Variants in CSMD1 observed in about 807,000 individuals in gnomAD.
CSMD1 encodes CUB and Sushi multiple domains 1.
CSMD1 carries 213 observed loss-of-function variants against 417.5 expected under a neutral mutation model. The observed-to-expected ratio is 0.51, with a 90% CI of 0.46 to 0.57. The LOEUF is 0.57. Ranked by LOEUF, CSMD1 falls within the 20% of genes least tolerant of loss-of-function variation. The pLI is 0.00. For synonymous variants in CSMD1, 2,862 were observed against 1,736.8 expected, an observed-to-expected ratio of 1.65 and a Z score of -16.11; for missense variants, 6,923 against 4,529.7, an observed-to-expected ratio of 1.53 and a Z score of -15.17.
intron 3 of CSMD1, among the ~76,000 whole-genome samples, chr8:4,363,385 G>C (rs1054117713): frequency 1.3e-5 from 2 of 152,180 alleles, no homozygotes; most frequent in South Asian, 2.1e-4. Flanking sequence ...TGCTTTATAC[G>C]TAAGAGGGAT....
chr8:3,274,168 C>T (rs988728105), intron 26 of CSMD1, among the ~76,000 whole-genome samples: 1 of 151,570 alleles, frequency 6.6e-6, no homozygotes, highest in Non-Finnish European at 1.5e-5. Context: ...TTTATTTCTG[C>T]CTTCATTTCG....
At chr8:3,816,041 C>G (rs1345196154) in intron 5 of CSMD1, among the ~76,000 whole-genome samples, 1 of 152,132 alleles carries the variant, frequency 6.6e-6, no homozygotes, top group African/African-American at 2.4e-5. Context: ...TATTAGGTCC[C>G]CGTGGGTTGG....
intron 7 of CSMD1, among the ~76,000 whole-genome samples, chr8:3,684,808 T>C (rs1214126528): frequency 6.6e-6 from 1 of 152,136 alleles, no homozygotes; most frequent in Admixed American, 6.6e-5. Context: ...TTCTCCTTGC[T>C]ATAGATCATA....
rs933745997 is a variant in CSMD1 at position 3,183,186 on chromosome 8, A to G, written c.5621-1972T>C. 3.7e-5 allele frequency: 3 copies of G among 80,040 alleles called. No individual in the cohort carries two copies. In the Admixed American group the frequency reaches 3.9e-4, roughly 10 times the overall value. 5.0% of individuals were successfully genotyped at this position (80,040 alleles called of 1,614,324 possible). On this transcript the variant is annotated intron_variant, in intron 36 of 69. Transcript: ENST00000635120. ...AACATCGAGTAGGTCTCTAACGCCT[A>G]ATCTATCTATCCCTGAAATATCGAG...
At chr8:4,078,735 C>G (rs921524954) in intron 3 of CSMD1, among the ~76,000 whole-genome samples, 1 of 150,202 alleles carries the variant, frequency 6.7e-6, no homozygotes, top group Non-Finnish European at 1.5e-5. Flanking sequence ...TTTAAGGCAA[C>G]CCTTGTATTT....
intron 31 of CSMD1, among the ~76,000 whole-genome samples, chr8:3,203,606 C>A (rs991544463): frequency 2.6e-5 from 4 of 152,118 alleles, no homozygotes; most frequent in African/African-American, 7.2e-5. Flanking sequence ...TCAGCTAACA[C>A]TCCGTGGATA....
chr8:3,291,311 C>G (rs923845792), intron 25 of CSMD1, among the ~76,000 whole-genome samples: 1 of 151,926 alleles, frequency 6.6e-6, no homozygotes, highest in Non-Finnish European at 1.5e-5. Flanking sequence ...CTCTGTCAGG[C>G]TTTGCTTTCA....
chr8:4,836,536 A>C (rs1357088892), intron 1 of CSMD1, among the ~76,000 whole-genome samples: 2 of 152,192 alleles, frequency 1.3e-5, no homozygotes, highest in African/African-American at 4.8e-5. Flanking sequence ...AAATAATGAA[A>C]ATATTTAGAC....
intron 5 of CSMD1, among the ~76,000 whole-genome samples, chr8:3,790,583 T>G (rs1231638453): frequency 1.3e-5 from 2 of 152,206 alleles, no homozygotes; most frequent in Admixed American, 6.5e-5. Flanking sequence ...TTTTTTTTTA[T>G]GTTTTTGGCA....
intron 4 of CSMD1, among the ~76,000 whole-genome samples, chr8:4,031,703 T>C (rs1266533270): frequency 1.3e-5 from 2 of 152,210 alleles, no homozygotes; most frequent in Non-Finnish European, 2.9e-5. Flanking sequence ...TAACATGCAA[T>C]ATTAAATGTT....
At chr8:4,037,780 G>A (rs746628425) in intron 3 of CSMD1, among the ~76,000 whole-genome samples, 2 of 152,022 alleles carry the variant, frequency 1.3e-5, no homozygotes, top group African/African-American at 4.8e-5. Context: ...AGTTCTGAGG[G>A]CCTTGAACCA....
At chr8:3,900,658 G>C (rs1038304184) in intron 5 of CSMD1, among the ~76,000 whole-genome samples, 1 of 152,176 alleles carries the variant, frequency 6.6e-6, no homozygotes, top group East Asian at 1.9e-4. Context: ...CTGTAGCTGA[G>C]TGACAGTGTA....
chr8:4,829,262 G>T (rs1188893672), intron 1 of CSMD1, among the ~76,000 whole-genome samples: 2 of 152,040 alleles, frequency 1.3e-5, no homozygotes, highest in Non-Finnish European at 2.9e-5. Context: ...TATTTTTTCA[G>T]TTAGAGTTTG....
At chr8:3,982,195 A>T (rs958572101) in intron 5 of CSMD1, among the ~76,000 whole-genome samples, 1 of 131,308 alleles carries the variant, frequency 7.6e-6, no homozygotes, top group Non-Finnish European at 1.6e-5. Context: ...AATAATATTA[A>T]TAAAAAAAAT....
chr8:3,114,074 CAAACA>C (rs1162082911), intron 42 of CSMD1, among the ~76,000 whole-genome samples: 1 of 151,766 alleles, frequency 6.6e-6, no homozygotes, highest in Non-Finnish European at 1.5e-5. Context: ...AACAAACAAA[CAAACA>C]AACAAAAAAC....
At chr8:4,060,460 T>A (rs1798914432) in intron 3 of CSMD1, among the ~76,000 whole-genome samples, 2 of 152,152 alleles carry the variant, frequency 1.3e-5, no homozygotes, top group African/African-American at 4.8e-5. Context: ...GAATTTCTAA[T>A]GATGCTTGTT....
At chr8:4,647,698 G>A (rs911534262) in intron 1 of CSMD1, among the ~76,000 whole-genome samples, 1 of 152,124 alleles carries the variant, frequency 6.6e-6, no homozygotes, top group Admixed American at 6.6e-5. Flanking sequence ...GGTTTGCTGA[G>A]GATGAAGCTT....
At chr8:3,196,991 CCTT>C (rs780073133) in intron 33 of CSMD1, among the ~76,000 whole-genome samples, 24 of 152,176 alleles carry the variant, frequency 1.6e-4, no homozygotes, top group Non-Finnish European at 2.9e-4. Context: ...GTCACTCACA[CCTT>C]CTTCTCTCAT....
At chr8:4,346,661 G>C (rs754803432) in intron 3 of CSMD1, among the ~76,000 whole-genome samples, 1 of 152,098 alleles carries the variant, frequency 6.6e-6, no homozygotes, top group African/African-American at 2.4e-5. Flanking sequence ...TTGCAATTTT[G>C]AATTTTTTTT....
Sources: gnomAD v4.1 joint callset for allele counts (sites outside exome capture counted in the v4.1 genomes callset) on GRCh38, gnomAD v4.1.1 for gene constraint, MANE v1.5 for transcripts, NCBI Gene and HGNC (gene_info 2026-07-23, HGNC 2026-07-21) for gene names.